The following PRSS36 variants were observed in gnomAD, a reference collection of about 807,000 sequenced individuals.
The protein encoded by PRSS36 is polyserase-2.
Under a neutral mutation model 94.3 loss-of-function variants are expected in PRSS36, and 90 were observed. The observed-to-expected ratio is 0.95, with a 90% CI of 0.80 to 1.14. The LOEUF (loss-of-function observed/expected upper bound fraction) is 1.14. PRSS36 is among the 50% of genes most tolerant of loss of function. The pLI, the probability that PRSS36 is intolerant of heterozygous loss-of-function variation, is 0.00. For missense variants in PRSS36, 1,158 were observed against 1,135.0 expected (o/e 1.02, Z -0.29); for synonymous variants, 500 against 489.6 (o/e 1.02, Z -0.28).
Position 31,141,726 on chromosome 16 carries a change from C to T in PRSS36, c.1756G>A (p.Gly586Ser), listed in dbSNP as rs755392167. Reference sequence around the variant, plus strand: ...GGCCCAAAAGCGTCCTGCTCACCACCATGCTCTGTGTGTGGGGGACAAGTC... The same window carrying T: ...GGCCCAAAAGCGTCCTGCTCACCACTATGCTCTGTGTGTGGGGGACAAGTC... ...TQTCPPHTEH[G>S]ACGLRLEAAP... Residue 586 changes from glycine (G) to serine (S), a missense_variant, in exon 11 of 15, where the codon GGT becomes AGT. Physicochemically the swap from Gly to Ser is moderately conservative, Grantham distance 56. Coordinates refer to ENST00000268281, the MANE Select transcript of PRSS36 (RefSeq NM_173502.5). 20 of 1,612,770 alleles carry T rather than the reference C, an allele frequency of 1.2e-5. No homozygotes were observed. In the South Asian group the frequency reaches 1.9e-4, roughly 15 times the overall value.
rs376465929 is a variant in PRSS36, at chr16:31,144,969, C to A, written c.720+820G>T. On this transcript the variant is annotated intron_variant, in intron 6 of 14. Transcript: ENST00000268281. ...GGCCGTGGTGGCACATGCCTGTAAT[C>A]CCAGCTACTTGGGAGGCTGAAGCAG... 3.9e-5 allele frequency among the ~76,000 whole-genome samples: 6 copies of A among 152,256 alleles called. No homozygotes were observed. The East Asian group carries it at 5.8e-4, about 15-fold the overall frequency.
intron 6 of PRSS36, 141 bp from the exon 7 acceptor site, chr16:31,143,978 C>T (rs372113676): frequency 3.8e-6 from 4 of 1,057,916 alleles, no homozygotes; most frequent in Admixed American, 2.6e-5. Flanking sequence ...CTCTGCATTC[C>T]CTGCGGCTCT....
In PRSS36 at chr16:31,140,430, C is replaced by T; in HGVS notation, c.2168-15G>A. On this transcript the variant is annotated splice_polypyrimidine_tract_variant and intron_variant, in intron 13 of 14. Transcript: ENST00000268281. Reference sequence around the variant, plus strand: ...AGCCACAGGGACTGGGGAGAGGAGACAAAGTTGTTCCAGGGCTCTGGCCTC... The same window carrying T: ...AGCCACAGGGACTGGGGAGAGGAGATAAAGTTGTTCCAGGGCTCTGGCCTC... 2 of 1,611,642 alleles carry T rather than the reference C, an allele frequency of 1.2e-6. No individual in the cohort carries two copies. The highest frequency in any genetic ancestry group is 1.7e-5 in the Admixed American group (1 of 59,720).
In PRSS36 at chr16:31,140,690, G is replaced by A. The variant is rs199965759; in HGVS notation, c.1969C>T (p.Gln657Ter). 6.2e-7 allele frequency: 1 copy of A among 1,614,092 alleles called. No homozygotes were observed. Among genetic ancestry groups the A allele is most frequent in the African/African-American group, 1.3e-5 (1 of 75,024 alleles). Residue 657 changes from glutamine to a stop codon, truncating the protein, a stop_gained, in exon 13 of 15, where the codon CAG (glutamine) becomes TAG (stop). Transcript: ENST00000268281. LOFTEE classifies it high-confidence loss of function. Reference sequence around the variant, plus strand: ...ACCAAGCGGGATACCTGGTGGCCCTGTGGGAGGGAGCTGGCCCCTGCCCGG... The same window carrying A: ...ACCAAGCGGGATACCTGGTGGCCCTATGGGAGGGAGCTGGCCCCTGCCCGG... ...LGRAGASSLPQGHQVSRLVIS... is the reference protein window; with the variant it reads ...LGRAGASSLP
rs771180536 is a variant in PRSS36 at position 31,148,475 on chromosome 16, A to G, written c.473T>C (p.Val158Ala). The G allele has an allele frequency of 1.3e-6, 2 of 1,576,624 alleles. No homozygotes were observed. The highest frequency in any genetic ancestry group is 1.7e-6 in the Non-Finnish European group (2 of 1,167,432). ...GCGGTGTGAGGCGCGGGGCAGGCAG[A>G]CAGGCCACACGGCGGGGCCCAGGCT... is the stretch of plus-strand genomic sequence containing the variant. ...PASLGPAVWPVCLPRASHRFV... is the reference protein window; with the variant it reads ...PASLGPAVWPACLPRASHRFV... Residue 158 changes from valine (V) to alanine (A), a missense_variant, in exon 5 of 15, where the codon GTC becomes GCC. Coordinates refer to ENST00000268281, the MANE Select transcript of PRSS36 (RefSeq NM_173502.5).
chr16:31,146,543 G>A (rs1034992292), intron 5 of PRSS36, among the ~76,000 whole-genome samples: 1 of 152,152 alleles, frequency 6.6e-6, no homozygotes, highest in African/African-American at 2.4e-5. Flanking sequence ...GTTCAGTTCT[G>A]ATCTCACCAA....
At position 31,139,051 on chromosome 16, in the gene PRSS36, G is replaced by A. The variant is rs2057636053; in HGVS notation, c.*87C>T. 6 of 1,420,320 alleles carry A rather than the reference G, an allele frequency of 4.2e-6. No homozygotes were observed. The South Asian group carries it at 4.5e-5, about 11-fold the overall frequency. 88.0% of individuals were successfully genotyped at this position (1,420,320 alleles called of 1,614,324 possible). On this transcript the variant is annotated 3_prime_UTR_variant, in exon 15 of 15. Coordinates refer to ENST00000268281, the MANE Select transcript of PRSS36 (RefSeq NM_173502.5). ...AATCTCGGTGGGTGGGGCCCTTGAG[G>A]TTCCAGCCGGCTGGGCCACATTCCA...
At position 31,150,013 on chromosome 16, in the gene PRSS36, G is replaced by A; in HGVS notation, c.23C>T (p.Pro8Leu). The A allele has an allele frequency of 1.2e-6, 2 of 1,614,020 alleles. No homozygotes were observed. Among genetic ancestry groups the A allele is most frequent in the Non-Finnish European group, 1.7e-6 (2 of 1,179,996 alleles). The change falls in exon 1 of 15, where the codon CCC becomes CTC. Residue 8 changes from proline to leucine, a missense_variant. Transcript: ENST00000268281. The stretch of plus-strand genomic sequence containing the variant: ...CCTGAGGTTACCAAGCATCACAAGG[G>A]GGAGGAGCAGGTGCCGGGCCATGGC... MARHLLL[P>L]LVMLVISPIP...
chr16:31,148,518 G>T lies in PRSS36; in HGVS notation c.430C>A (p.Arg144Ser). The T allele has an allele frequency of 1.3e-6, 2 of 1,586,882 alleles. No individual in the cohort carries two copies. Among genetic ancestry groups the T allele is most frequent in the Non-Finnish European group, 1.7e-6 (2 of 1,170,938 alleles). ...VELGADLALL[R>S]LASPASLGPA... ...CCCAGGCTGGCGGGTGAGGCCAGGC[G>T]CAGCAGGGCCAGGTCGGCGCCCAGC... The change falls in exon 5 of 15, where the codon CGC (arginine) becomes AGC (serine). Residue 144 changes from arginine to serine, a missense_variant. By Grantham distance (110) the Arg-to-Ser change is moderately radical. Coordinates refer to ENST00000268281, the MANE Select transcript of PRSS36 (RefSeq NM_173502.5).
rs1217232759 is a variant in PRSS36, at chr16:31,142,777, C to G, written c.1317G>C (p.Leu439=). ...GGGCCAGGCGGCAGCGGCTCCCGGGCAGGAAGTAGTGTTCCGGGTGGGGTA... is the reference window on the plus strand; with the variant it reads ...GGGCCAGGCGGCAGCGGCTCCCGGGGAGGAAGTAGTGTTCCGGGTGGGGTA... ...VCLPHPEHYF[L]PGSRCRLARW... is the part of the protein sequence containing the mutation. The change falls in exon 9 of 15, where the codon CTG becomes CTC. Residue 439 remains leucine, a synonymous_variant. Transcript: ENST00000268281. 2 of 1,444,508 alleles carry G rather than the reference C, an allele frequency of 1.4e-6. No individual in the cohort carries two copies. Among genetic ancestry groups the G allele is most frequent in the African/African-American group, 3.0e-5 (2 of 67,636 alleles). 89.5% of individuals were successfully genotyped at this position (1,444,508 alleles called of 1,614,324 possible).
At position 31,139,029 on chromosome 16, in the gene PRSS36, C is replaced by A; in HGVS notation, c.*109G>T. 25 of 1,321,002 alleles carry A rather than the reference C, an allele frequency of 1.9e-5. No homozygotes were observed. Among genetic ancestry groups the A allele is most frequent in the Non-Finnish European group, 2.2e-5 (21 of 964,650 alleles). 81.8% of individuals were successfully genotyped at this position (1,321,002 alleles called of 1,614,324 possible). ...CCCAATTAGCCAGAGCCGCTGCAAT[C>A]TCGGTGGGTGGGGCCCTTGAGGTTC... On this transcript the variant is annotated 3_prime_UTR_variant, in exon 15 of 15. Coordinates refer to ENST00000268281, the MANE Select transcript of PRSS36 (RefSeq NM_173502.5).
chr16:31,149,414 C>T (rs771021263), intron 3 of PRSS36, 49 bp downstream of exon 3: 12 of 1,607,926 alleles, frequency 7.5e-6, no homozygotes, highest in African/African-American at 2.7e-5. Context: ...ATGGCCTGAC[C>T]AGCCTTAGCC....
intron 5 of PRSS36, among the ~76,000 whole-genome samples, chr16:31,147,506 G>GT (rs928336751): frequency 1.3e-4 from 20 of 152,274 alleles, no homozygotes; most frequent in Non-Finnish European, 2.8e-4. Context: ...GTGGATATTT[G>GT]TGGGGGCCCT....
chr16:31,148,366 G>A (rs2057829380), intron 5 of PRSS36, 29 bp downstream of exon 5: 2 of 1,519,152 alleles, frequency 1.3e-6, no homozygotes, highest in Non-Finnish European at 8.7e-7. Context: ...CCTCCCCGAG[G>A]CCCTCCCCTC....
At chr16:31,140,051 C>T (rs1282414396) in intron 14 of PRSS36, among the ~76,000 whole-genome samples, 1 of 146,260 alleles carries the variant, frequency 6.8e-6, no homozygotes, top group African/African-American at 2.5e-5. Context: ...ATTAGCCGGG[C>T]GTAGTAGCGG....
chr16:31,149,125 C>T lies in PRSS36; in HGVS notation c.220G>A (p.Gly74Ser), dbSNP rs77284742. 1,326 of 1,585,236 alleles carry T rather than the reference C, an allele frequency of 8.4e-4. 1 individual carries two copies. Among genetic ancestry groups the T allele is most frequent in the Non-Finnish European group, 1.1e-3 (1,249 of 1,167,420 alleles). The change falls in exon 4 of 15, where the codon GGC becomes AGC. Residue 74 changes from glycine to serine, a missense_variant. Gly to Ser is a moderately conservative substitution (Grantham distance 56). Transcript: ENST00000268281. Reference protein sequence around the residue: ...LHHGGGHICGGSLIAPSWVLS... With the variant: ...LHHGGGHICGSSLIAPSWVLS... ...ACCCAGGAGGGGGCGATGAGGGAGC[C>T]CCCGCAGATGTGGCCACCTCCATGG...
chr16:31,145,728 A>G (rs2057789060), intron 6 of PRSS36, 61 bp downstream of exon 6: 1 of 1,507,296 alleles, frequency 6.6e-7, no homozygotes, highest in South Asian at 1.2e-5. Flanking sequence ...GATGTCCTTT[A>G]TCTATTTGTC....
At position 31,149,719 on chromosome 16, in the gene PRSS36, A is replaced by C; in HGVS notation, c.50T>G (p.Ile17Ser). 6.2e-7 allele frequency: 1 copy of C among 1,614,118 alleles called. No homozygotes were observed. The highest frequency in any genetic ancestry group is 8.5e-7 in the Non-Finnish European group (1 of 1,180,010). ...LPLVMLVISP[I>S]PGAFQDSALS... ...ACCTGAGTCCTGGAAGGCTCCTGGG[A>C]TGGGACTGATGACTGGAAAGACAGA... is the stretch of plus-strand genomic sequence containing the variant. Residue 17 changes from isoleucine to serine, a missense_variant, in exon 2 of 15, where the codon ATC becomes AGC. By Grantham distance (142) the Ile-to-Ser change is moderately radical. Transcript: ENST00000268281.
Position 31,142,481 on chromosome 16 carries a change from C to A in PRSS36, c.1521G>T (p.Trp507Cys). The A allele has an allele frequency of 1.4e-6, 2 of 1,463,014 alleles. No individual in the cohort carries two copies. Among genetic ancestry groups the A allele is most frequent in the Non-Finnish European group, 9.0e-7 (1 of 1,109,046 alleles). 90.6% of individuals were successfully genotyped at this position (1,463,014 alleles called of 1,614,324 possible). A position where few individuals can be genotyped will look rare whatever the true frequency, so the allele number is the denominator to read the frequency against. ...YQEKEEVGSC[W>C]NDSRWSLLCQ... ...CGCGGGCCCCGCCCCCGCCGCTTAC[C>A]CAGCAGCTGCCCACCTCCTCCTTTT... is the stretch of plus-strand genomic sequence containing the variant. The change falls in exon 10 of 15, where the codon TGG (tryptophan) becomes TGT (cysteine). Residue 507 changes from tryptophan (W) to cysteine (C), a missense_variant and splice_region_variant. Transcript: ENST00000268281.
Sources: allele counts gnomAD v4.1 joint callset (sites outside exome capture counted in the v4.1 genomes callset), GRCh38; gene constraint gnomAD v4.1.1; transcripts MANE v1.5; gene names NCBI Gene and HGNC (gene_info 2026-07-23, HGNC 2026-07-21).